Variants in CCDC169 observed in about 807,000 individuals in gnomAD.
CCDC169 encodes coiled-coil domain containing 169.
In CCDC169, 30 loss-of-function variants were observed where a neutral mutation model predicts 36.0. The ratio of observed to expected loss-of-function variants is 0.83; its 90% CI spans 0.62 to 1.13. The LOEUF is 1.13. Among genes scored for constraint, CCDC169 ranks in the 50% most tolerant of loss-of-function variants. CCDC169 has a pLI of 0.00. For synonymous variants in CCDC169, 85 were observed against 81.5 expected (o/e 1.04, Z -0.23); for missense variants, 245 against 245.9 (o/e 1.00, Z 0.03).
rs1164419068 is a variant in CCDC169, at chr13:36,280,743, T to C, written c.315+2726A>G. Reference sequence around the variant, plus strand: ...ATGTTTGATTTTATGATATTCTTTTTCTATACCTTTTATTTTCCAAATAAT... The same window carrying C: ...ATGTTTGATTTTATGATATTCTTTTCCTATACCTTTTATTTTCCAAATAAT... On this transcript the variant is annotated intron_variant, in intron 4 of 7. Transcript: ENST00000239859. 4 of 152,262 alleles carry C rather than the reference T, an allele frequency of 2.6e-5. No homozygotes were observed. The South Asian group carries it at 6.2e-4, about 24-fold the overall frequency. The allele number at this position is 152,262 out of a possible 1,614,324, so 9.4% of individuals were successfully genotyped here. A position where few individuals can be genotyped will look rare whatever the true frequency, so the allele number is the denominator to read the frequency against.
At chr13:36,224,622 C>G (rs1869768301), downstream of CCDC169, 1 of 152,092 alleles carries the variant, frequency 6.6e-6, no homozygotes, top group South Asian at 2.1e-4. Context: ...AACTATAAAA[C>G]ACCACCAAAA....
downstream of CCDC169, chr13:36,227,110 T>C (rs1256129230): frequency 6.2e-6 from 5 of 805,550 alleles, no homozygotes; most frequent in Non-Finnish European, 9.1e-6. Context: ...TGGGTCCCAA[T>C]CTTTTCTGTA....
chr13:36,233,979 A>G (rs1870762526), intron 7 of CCDC169, among the ~76,000 whole-genome samples: 1 of 152,194 alleles, frequency 6.6e-6, no homozygotes, highest in African/African-American at 2.4e-5. Context: ...GGAGAGACTG[A>G]AAGTCTGACA....
At chr13:36,288,995 G>A (rs887689988) in intron 2 of CCDC169, among the ~76,000 whole-genome samples, 1 of 151,976 alleles carries the variant, frequency 6.6e-6, no homozygotes, top group African/African-American at 2.4e-5. Context: ...GTTATGATAA[G>A]GTTCATAAAA....
At chr13:36,238,329 C>T (rs1002960919) in intron 7 of CCDC169, among the ~76,000 whole-genome samples, 4 of 152,120 alleles carry the variant, frequency 2.6e-5, no homozygotes, top group African/African-American at 2.4e-5. Context: ...TGCAGTGGCA[C>T]GAACATAGCT....
intron 7 of CCDC169, among the ~76,000 whole-genome samples, chr13:36,245,669 G>A (rs1396868480): frequency 3.3e-5 from 5 of 152,120 alleles, no homozygotes; most frequent in Non-Finnish European, 5.9e-5. Flanking sequence ...TGTCACCTAC[G>A]TTTATTTTGG....
intron 4 of CCDC169, among the ~76,000 whole-genome samples, chr13:36,263,137 G>A (rs763633361): frequency 3.3e-5 from 5 of 152,062 alleles, no homozygotes; most frequent in Non-Finnish European, 5.9e-5. Flanking sequence ...GAATTTCAAG[G>A]CTATAGTATG....
intron 7 of CCDC169, among the ~76,000 whole-genome samples, chr13:36,234,770 A>C (rs960155053): frequency 6.6e-6 from 1 of 152,140 alleles, no homozygotes; most frequent in Admixed American, 6.6e-5. Context: ...ACATTTCCAG[A>C]TAAGCAAAAA....
chr13:36,227,669 G>T (rs1212375713), downstream of CCDC169, among the ~76,000 whole-genome samples: 1 of 152,070 alleles, frequency 6.6e-6, no homozygotes, highest in African/African-American at 2.4e-5. Context: ...CAACTTTACT[G>T]AGGTATAAAT....
intron 2 of CCDC169, among the ~76,000 whole-genome samples, chr13:36,283,939 A>T (rs1749951479): frequency 6.6e-6 from 1 of 152,110 alleles, no homozygotes; most frequent in Non-Finnish European, 1.5e-5. Flanking sequence ...CAACTACTGC[A>T]ATTCCTCTTC....
At chr13:36,246,362 T>C (rs1279677723) in intron 7 of CCDC169, among the ~76,000 whole-genome samples, 1 of 152,174 alleles carries the variant, frequency 6.6e-6, no homozygotes. Flanking sequence ...AACACACAAA[T>C]GATAAGGAAG....
chr13:36,283,310 T>A (rs1877766151), intron 4 of CCDC169, 159 bp downstream of exon 4: 2 of 680,776 alleles, frequency 2.9e-6, no homozygotes, highest in Admixed American at 5.8e-5. Flanking sequence ...CACCTATAGC[T>A]ACTCAAAAAT....
intron 4 of CCDC169, among the ~76,000 whole-genome samples, chr13:36,270,386 CCAA>C (rs1374836496): frequency 6.6e-6 from 1 of 152,042 alleles, no homozygotes; most frequent in Non-Finnish European, 1.5e-5. Context: ...CATCAAAATA[CCAA>C]CATCATTTTT....
At chr13:36,227,030 A>G, downstream of CCDC169, 1 of 430,950 alleles carries the variant, frequency 2.3e-6, no homozygotes. Flanking sequence ...ACCAAGGTGA[A>G]GTCAGCTCGA....
At chr13:36,292,882 G>C (rs1158966245) in intron 2 of CCDC169, among the ~76,000 whole-genome samples, 2 of 152,120 alleles carry the variant, frequency 1.3e-5, no homozygotes, top group Non-Finnish European at 2.9e-5. Context: ...AAGTAGGTAG[G>C]ATCTACTCCA....
chr13:36,253,889 A>G, intron 5 of CCDC169, 33 bp from the exon 6 acceptor site: 1 of 1,547,078 alleles, frequency 6.5e-7, no homozygotes, highest in South Asian at 1.2e-5. Flanking sequence ...AGGGTCCAAC[A>G]TATGAGAAGA....
At chr13:36,274,171 C>T (rs1308165251) in intron 4 of CCDC169, 1 of 151,520 alleles carries the variant, frequency 6.6e-6, no homozygotes, top group African/African-American at 2.4e-5. Context: ...ATAAGGCCAG[C>T]ATAAAAATAA....
chr13:36,253,832 G>A lies in CCDC169; in HGVS notation c.439C>T (p.Arg147Cys), dbSNP rs79770535. ...SKAYQKINNE[R>C]RTYLAEMSQG... Reference sequence around the variant, plus strand: ...GACATTTCAGCTAGGTATGTACGGCGTTCATTGTTGATCTTCTGGTAAGCC... The same window carrying A: ...GACATTTCAGCTAGGTATGTACGGCATTCATTGTTGATCTTCTGGTAAGCC... The change falls in exon 6 of 8, where the codon CGC becomes TGC. Residue 147 changes from arginine (R) to cysteine (C), a missense_variant. Transcript: ENST00000239859. 707 of 1,551,178 alleles carry A rather than the reference G, an allele frequency of 4.6e-4. 1 individual carries two copies. The African/African-American group carries it at 8.2e-3, about 18-fold the overall frequency.
chr13:36,245,974 T>C (rs1002684504), intron 7 of CCDC169, among the ~76,000 whole-genome samples: 1 of 152,218 alleles, frequency 6.6e-6, no homozygotes, highest in African/African-American at 2.4e-5. Context: ...ATGTTACTAC[T>C]GTAATTGTTT....
Sources: gnomAD v4.1 joint callset for allele counts (sites outside exome capture counted in the v4.1 genomes callset) on GRCh38, gnomAD v4.1.1 for gene constraint, MANE v1.5 for transcripts, NCBI Gene and HGNC (gene_info 2026-07-23, HGNC 2026-07-21) for gene names.